ST3GAL3: variants seen among roughly 807,000 people sequenced by gnomAD.
ST3GAL3 encodes CMP-N-acetylneuraminate-beta-1,4-galactoside alpha-2,3-sialyltransferase.
ST3GAL3 carries 21 observed loss-of-function variants against 50.1 expected under a neutral mutation model. The ratio of observed to expected loss-of-function variants is 0.42; its 90% confidence interval spans 0.30 to 0.60. ST3GAL3 has a LOEUF of 0.60. Among genes scored for constraint, ST3GAL3 ranks in the 20% least tolerant of loss-of-function variants. The pLI, the probability that ST3GAL3 is intolerant of heterozygous loss-of-function variation, is 0.19. For missense variants in ST3GAL3, 353 were observed against 489.4 expected, an observed-to-expected ratio of 0.72 and a Z score of 2.63; for synonymous variants, 183 against 190.0, an observed-to-expected ratio of 0.96 and a Z score of 0.30.
At chr1:43,716,996 GT>G (rs2154066489) in intron 1 of ST3GAL3, among the ~76,000 whole-genome samples, 1 of 152,250 alleles carries the variant, frequency 6.6e-6, no homozygotes, top group South Asian at 2.1e-4. Context: ...TACGTCATTT[GT>G]TTATGTACGT....
intron 9 of ST3GAL3, among the ~76,000 whole-genome samples, chr1:43,907,212 A>G (rs1557468256): frequency 1.3e-5 from 2 of 152,252 alleles, no homozygotes; most frequent in Admixed American, 1.3e-4. Flanking sequence ...CCATTGCACT[A>G]TAACACCTCC....
At chr1:43,801,253 T>C (rs1367175360) in intron 3 of ST3GAL3, 1 of 456,182 alleles carries the variant, frequency 2.2e-6, no homozygotes, top group African/African-American at 2.0e-5. Flanking sequence ...TCAGTAGCAG[T>C]CATTTAATAA....
At chr1:43,815,301 A>T (rs2061096637) in intron 4 of ST3GAL3, among the ~76,000 whole-genome samples, 2 of 152,122 alleles carry the variant, frequency 1.3e-5, no homozygotes, top group Admixed American at 6.5e-5. Flanking sequence ...CCTGACATGC[A>T]CAGCCTTCTG....
chr1:43,805,858 T>C (rs1055793059), intron 3 of ST3GAL3, among the ~76,000 whole-genome samples: 22 of 152,072 alleles, frequency 1.4e-4, no homozygotes, highest in Non-Finnish European at 2.9e-5. Flanking sequence ...GCCTCAGCCT[T>C]CTGAGTAGCT....
At chr1:43,868,349 T>C (rs1478792642) in intron 5 of ST3GAL3, among the ~76,000 whole-genome samples, 3 of 152,202 alleles carry the variant, frequency 2.0e-5, no homozygotes, top group Non-Finnish European at 4.4e-5. Flanking sequence ...AACTTCCCAA[T>C]AGCTAAATCT....
intron 5 of ST3GAL3, among the ~76,000 whole-genome samples, chr1:43,857,521 T>G: frequency 7.0e-6 from 1 of 142,558 alleles, no homozygotes; most frequent in African/African-American, 2.6e-5. Context: ...CTTCCTTCCT[T>G]CCCTCCTCCT....
intron 5 of ST3GAL3, among the ~76,000 whole-genome samples, chr1:43,881,168 G>A (rs891762708): frequency 6.6e-6 from 1 of 152,146 alleles, no homozygotes; most frequent in African/African-American, 2.4e-5. Flanking sequence ...CCATCACTGT[G>A]CCTGGCTAAT....
Position 43,824,927 on chromosome 1 carries a change from G to A in ST3GAL3, c.209+9994G>A, listed in dbSNP as rs371926765. On this transcript the variant is annotated intron_variant, in intron 4 of 11. Transcript: ENST00000347631. ...ATATGCAGCCAAATTGAGAACCACT[G>A]CTTTAATAAAAGATTCTGTTTCCTG... 21 of 720,434 alleles carry A rather than the reference G, an allele frequency of 2.9e-5. 1 individual carries two copies. The African/African-American group carries it at 3.1e-4, about 11-fold the overall frequency. 44.6% of individuals were successfully genotyped at this position (720,434 alleles called of 1,614,324 possible).
chr1:43,826,054 C>T (rs2062752453), intron 4 of ST3GAL3, among the ~76,000 whole-genome samples: 1 of 151,866 alleles, frequency 6.6e-6, no homozygotes, highest in Non-Finnish European at 1.5e-5. Context: ...TCGCTTGAGC[C>T]CAGGAACTTG....
intron 3 of ST3GAL3, among the ~76,000 whole-genome samples, chr1:43,808,403 G>C (rs1312652658): frequency 6.6e-6 from 1 of 152,000 alleles, no homozygotes; most frequent in East Asian, 1.9e-4. Context: ...AGGCTGAACT[G>C]AGTGTTGAGC....
intron 5 of ST3GAL3, among the ~76,000 whole-genome samples, chr1:43,853,784 C>G (rs2067813805): frequency 6.6e-6 from 1 of 152,256 alleles, no homozygotes; most frequent in Non-Finnish European, 1.5e-5. Context: ...TCCAAGCTGG[C>G]TGAGTTTCCA....
In ST3GAL3 at chr1:43,848,421, T is replaced by G. The variant is rs186918041; in HGVS notation, c.302+10110T>G. Among the ~76,000 whole-genome samples the G allele has an allele frequency of 4.9e-4, 72 of 146,774 alleles. No homozygotes were observed. The East Asian group carries it at 0.013, about 27-fold the overall frequency. Reference sequence around the variant, plus strand: ...CCTGGGTTCAAGCAATTCTCCTACCTCAGCCTCCCGAGTAGCTGGGATTAC... The same window carrying G: ...CCTGGGTTCAAGCAATTCTCCTACCGCAGCCTCCCGAGTAGCTGGGATTAC... On this transcript the variant is annotated intron_variant, in intron 5 of 11. Transcript: ENST00000347631.
intron 2 of ST3GAL3, among the ~76,000 whole-genome samples, chr1:43,766,757 T>G (rs1469476975): frequency 2.0e-5 from 3 of 152,200 alleles, no homozygotes; most frequent in Non-Finnish European, 4.4e-5. Flanking sequence ...GTTCTGGACT[T>G]TTGTGTGAAG....
intron 2 of ST3GAL3, among the ~76,000 whole-genome samples, chr1:43,765,753 CTGTGTGTGTGTGTG>C (rs778848698): frequency 2.4e-4 from 28 of 115,808 alleles, no homozygotes; most frequent in African/African-American, 6.4e-4. Flanking sequence ...CTGTGTGTGT[CTGTGTGTGTGTGTG>C]TGTGTGTGTG....
In ST3GAL3 at chr1:43,713,800, C is replaced by T. The variant is rs374055634; in HGVS notation, c.-31+6107C>T. Among the ~76,000 whole-genome samples the T allele has an allele frequency of 9.2e-5, 14 of 152,196 alleles. No individual in the cohort carries two copies. The South Asian group carries it at 2.9e-3, about 32-fold the overall frequency. On this transcript the variant is annotated intron_variant, in intron 1 of 11. Coordinates refer to ENST00000347631, the MANE Select transcript of ST3GAL3 (RefSeq NM_006279.5). Reference sequence around the variant, plus strand: ...ATCTGCCCAGCTCTGCCTCCCGAAGCGCTGGGTTTACACGCGTGAGCCACT... The same window carrying T: ...ATCTGCCCAGCTCTGCCTCCCGAAGTGCTGGGTTTACACGCGTGAGCCACT...
chr1:43,714,827 A>T (rs1337588631), intron 1 of ST3GAL3, among the ~76,000 whole-genome samples: 1 of 152,166 alleles, frequency 6.6e-6, no homozygotes, highest in Non-Finnish European at 1.5e-5. Flanking sequence ...TTTTAAAGAT[A>T]GTAATGGAAG....
chr1:43,758,643 T>C (rs1689027243), intron 2 of ST3GAL3, among the ~76,000 whole-genome samples: 1 of 152,200 alleles, frequency 6.6e-6, no homozygotes, highest in South Asian at 2.1e-4. Context: ...GTTGATAAAC[T>C]TAGACTTTTT....
At chr1:43,874,576 T>C (rs2073704230) in intron 5 of ST3GAL3, among the ~76,000 whole-genome samples, 1 of 152,196 alleles carries the variant, frequency 6.6e-6, no homozygotes, top group Admixed American at 6.5e-5. Flanking sequence ...TGTTTGCCTA[T>C]GGGGATAATC....
intron 2 of ST3GAL3, among the ~76,000 whole-genome samples, chr1:43,789,586 A>G (rs781114253): frequency 2.6e-5 from 4 of 152,170 alleles, no homozygotes; most frequent in Admixed American, 2.0e-4. Context: ...AAGAAGTAGA[A>G]TTGGCCAGGC....
Sources: allele counts gnomAD v4.1 joint callset (sites outside exome capture counted in the v4.1 genomes callset), GRCh38; gene constraint gnomAD v4.1.1; transcripts MANE v1.5; gene names NCBI Gene and HGNC (gene_info 2026-07-23, HGNC 2026-07-21).